Variants in HAPLN1 observed in about 807,000 individuals in gnomAD.
The protein encoded by HAPLN1 is Cartilage link protein.
A neutral mutation model predicts 36.5 loss-of-function variants in HAPLN1; 13 were observed. The observed-to-expected ratio is 0.36, with a 90% CI of 0.23 to 0.57. The LOEUF is 0.57. Among genes scored for constraint, HAPLN1 ranks in the 20% least tolerant of loss-of-function variants. The pLI is 0.83. For missense variants in HAPLN1, 407 were observed against 439.7 expected, an observed-to-expected ratio of 0.93 and a Z score of 0.66; for synonymous variants, 202 against 169.8, an observed-to-expected ratio of 1.19 and a Z score of -1.48.
chr5:83,661,436 T>TTC (rs1750385526), intron 2 of HAPLN1, among the ~76,000 whole-genome samples: 1 of 16,286 alleles, frequency 6.1e-5, no homozygotes, highest in Non-Finnish European at 1.5e-4. Context: ...GAAAAGCTTC[T>TTC]TTTTTTTTTT....
chr5:83,683,124 T>A (rs1479393868), intron 1 of HAPLN1, among the ~76,000 whole-genome samples: 1 of 152,128 alleles, frequency 6.6e-6, no homozygotes, highest in Non-Finnish European at 1.5e-5. Context: ...GTAAAATACA[T>A]AACAATATGG....
intron 1 of HAPLN1, among the ~76,000 whole-genome samples, chr5:83,680,826 T>G (rs7724976): frequency 1.3e-5 from 2 of 152,184 alleles, no homozygotes; most frequent in African/African-American, 4.8e-5. Context: ...ATTCTATCAT[T>G]ATACACAAAG....
At chr5:83,693,781 A>G in intron 1 of HAPLN1, among the ~76,000 whole-genome samples, 1 of 151,936 alleles carries the variant, frequency 6.6e-6, no homozygotes, top group Non-Finnish European at 1.5e-5. Flanking sequence ...GGAGAACATT[A>G]CAACATTAAA....
chr5:83,683,930 A>G (rs1240989593), intron 1 of HAPLN1, among the ~76,000 whole-genome samples: 2 of 152,154 alleles, frequency 1.3e-5, no homozygotes, highest in Admixed American at 1.3e-4. Flanking sequence ...CAGGGCCCCT[A>G]CTGCTGAGAA....
chr5:83,695,472 C>T (rs966621273), intron 1 of HAPLN1, among the ~76,000 whole-genome samples: 2 of 151,432 alleles, frequency 1.3e-5, no homozygotes, highest in Non-Finnish European at 2.9e-5. Flanking sequence ...AACAATCAAT[C>T]GATTGCTCAA....
intron 2 of HAPLN1, among the ~76,000 whole-genome samples, chr5:83,657,738 T>C (rs1750261343): frequency 6.6e-6 from 1 of 152,020 alleles, no homozygotes. Flanking sequence ...TGATGTTGGT[T>C]ACTTTTTCCA....
chr5:83,670,893 C>T (rs1750696399), intron 2 of HAPLN1, among the ~76,000 whole-genome samples: 1 of 152,142 alleles, frequency 6.6e-6, no homozygotes, highest in Non-Finnish European at 1.5e-5. Context: ...CGGGGTTTCA[C>T]CATGTTGGTC....
chr5:83,704,343 C>T (rs1362590771), intron 1 of HAPLN1, among the ~76,000 whole-genome samples: 1 of 152,114 alleles, frequency 6.6e-6, no homozygotes, highest in Non-Finnish European at 1.5e-5. Flanking sequence ...AAAGCAACCA[C>T]ACAAACAAGT....
At chr5:83,669,666 T>C (rs562283321) in intron 2 of HAPLN1, among the ~76,000 whole-genome samples, 1 of 152,332 alleles carries the variant, frequency 6.6e-6, no homozygotes, top group African/African-American at 2.4e-5. Flanking sequence ...TGAATTTTTT[T>C]GACCAGTATT....
intron 1 of HAPLN1, among the ~76,000 whole-genome samples, chr5:83,699,829 G>A (rs569077380): frequency 1.3e-5 from 2 of 152,180 alleles, no homozygotes; most frequent in African/African-American, 4.8e-5. Flanking sequence ...AACAATAGGA[G>A]CATGAAGCAA....
At chr5:83,669,709 C>T (rs149452007) in intron 2 of HAPLN1, among the ~76,000 whole-genome samples, 1 of 152,090 alleles carries the variant, frequency 6.6e-6, no homozygotes, top group African/African-American at 2.4e-5. Flanking sequence ...AATCAATTTT[C>T]CATAACAGGG....
chr5:83,684,317 G>A (rs1751072990), intron 1 of HAPLN1, among the ~76,000 whole-genome samples: 1 of 152,098 alleles, frequency 6.6e-6, no homozygotes, highest in Non-Finnish European at 1.5e-5. Flanking sequence ...ATAAGGCTCA[G>A]CTTCAGATCC....
At position 83,640,346 on chromosome 5, in the gene HAPLN1, G is replaced by T. The variant is rs1580112634; in HGVS notation, c.*1150C>A. 2 of 152,214 alleles carry T rather than the reference G, an allele frequency of 1.3e-5. No individual in the cohort carries two copies. The highest frequency in any genetic ancestry group is 6.8e-3 in the Middle Eastern group (2 of 294). 9.4% of individuals were successfully genotyped at this position (152,214 alleles called of 1,614,324 possible). A position where few individuals can be genotyped will look rare whatever the true frequency, so the allele number is the denominator to read the frequency against. ...TTTAATTTAAGCCTAATGATGACCA[G>T]CAAGGAAAGTGACATCATTAACCAC... On this transcript the variant is annotated 3_prime_UTR_variant, in exon 5 of 5. Coordinates refer to ENST00000274341, the MANE Select transcript of HAPLN1 (RefSeq NM_001884.4).
intron 2 of HAPLN1, among the ~76,000 whole-genome samples, chr5:83,672,099 A>T (rs1018872162): frequency 6.6e-6 from 1 of 152,342 alleles, no homozygotes; most frequent in Admixed American, 6.5e-5. Context: ...AATGGTTTGT[A>T]CACAATTCAT....
intron 1 of HAPLN1, among the ~76,000 whole-genome samples, chr5:83,675,604 T>C (rs956142268): frequency 1.3e-5 from 2 of 152,188 alleles, no homozygotes; most frequent in South Asian, 2.1e-4. Flanking sequence ...TTTAGTTCCA[T>C]ACCATAGTAT....
intron 1 of HAPLN1, among the ~76,000 whole-genome samples, chr5:83,696,017 G>GA (rs1184170289): frequency 1.3e-5 from 2 of 151,854 alleles, no homozygotes; most frequent in Non-Finnish European, 2.9e-5. Context: ...AGTCTACACA[G>GA]AAAAATCATA....
intron 1 of HAPLN1, among the ~76,000 whole-genome samples, chr5:83,686,503 A>G (rs1439151340): frequency 1.3e-5 from 2 of 152,212 alleles, no homozygotes; most frequent in Non-Finnish European, 2.9e-5. Flanking sequence ...CTTAGTTGGC[A>G]ATAGTGATAG....
chr5:83,701,936 ACAC>A (rs1353946179), intron 1 of HAPLN1, among the ~76,000 whole-genome samples: 1 of 146,006 alleles, frequency 6.8e-6, no homozygotes, highest in African/African-American at 2.5e-5. Flanking sequence ...AAACACACAC[ACAC>A]ACACACACAC....
intron 1 of HAPLN1, among the ~76,000 whole-genome samples, chr5:83,700,099 C>A (rs1751471819): frequency 3.3e-5 from 5 of 149,664 alleles, no homozygotes; most frequent in Admixed American, 6.8e-5. Context: ...GAGGCTGAGG[C>A]AGGAGAATCA....
Sources: gnomAD v4.1 joint callset for allele counts (sites outside exome capture counted in the v4.1 genomes callset) on GRCh38, gnomAD v4.1.1 for gene constraint, MANE v1.5 for transcripts, NCBI Gene and HGNC (gene_info 2026-07-23, HGNC 2026-07-21) for gene names.